The following YTHDF3 variants were observed in gnomAD, a reference collection of about 807,000 sequenced individuals.
YTHDF3 encodes YTH domain-containing family protein 3.
Under a neutral mutation model 52.5 loss-of-function variants are expected in YTHDF3, and 9 were observed. The ratio of observed to expected loss-of-function variants is 0.17; its 90% CI spans 0.10 to 0.30. The LOEUF (loss-of-function observed/expected upper bound fraction) is 0.30. Ranked by LOEUF, YTHDF3 falls within the 10% of genes least tolerant of loss-of-function variation. The probability of loss-of-function intolerance (pLI) is 1.00; values close to 1 mark genes in which losing one functional copy is unlikely to be tolerated. For missense variants in YTHDF3, 534 were observed against 715.0 expected (o/e 0.75, Z 2.89); for synonymous variants, 274 against 243.3 (o/e 1.13, Z -1.18).
At chr8:63,192,394 A>C (rs1200216193) in intron 4 of YTHDF3, among the ~76,000 whole-genome samples, 2 of 152,116 alleles carry the variant, frequency 1.3e-5, no homozygotes, top group Non-Finnish European at 1.5e-5. Flanking sequence ...GAGATGGGAG[A>C]GTCATGCTGT....
chr8:63,170,442 A>T (rs377595936), intron 2 of YTHDF3, among the ~76,000 whole-genome samples: 3 of 152,202 alleles, frequency 2.0e-5, no homozygotes, highest in African/African-American at 7.2e-5. Context: ...TACCAGTTAC[A>T]TGGCACCATA....
At chr8:63,197,593 C>T (rs1009207197) in intron 4 of YTHDF3, among the ~76,000 whole-genome samples, 6 of 151,938 alleles carry the variant, frequency 3.9e-5, no homozygotes, top group South Asian at 2.1e-4. Flanking sequence ...TTAAAAATAG[C>T]GTGGCTTGTA....
intron 2 of YTHDF3, among the ~76,000 whole-genome samples, chr8:63,173,196 T>TTTTATATATA (rs1807442289): frequency 2.4e-5 from 2 of 83,700 alleles, no homozygotes; most frequent in Admixed American, 1.3e-4. Context: ...AATAACAGGA[T>TTTTATATATA]TATATTTATA....
chr8:63,197,590 T>G (rs1809321879), intron 4 of YTHDF3, among the ~76,000 whole-genome samples: 2 of 152,170 alleles, frequency 1.3e-5, no homozygotes, highest in African/African-American at 4.8e-5. Flanking sequence ...TAATTAAAAA[T>G]AGCGTGGCTT....
chr8:63,174,488 T>G (rs527913300), intron 2 of YTHDF3, among the ~76,000 whole-genome samples: 1 of 152,216 alleles, frequency 6.6e-6, no homozygotes, highest in East Asian at 1.9e-4. Context: ...GGTTAGAGAG[T>G]TTAAATCCCT....
chr8:63,182,020 C>T (rs1018998865), intron 3 of YTHDF3, among the ~76,000 whole-genome samples: 32 of 151,784 alleles, frequency 2.1e-4, no homozygotes, highest in Non-Finnish European at 3.2e-4. Flanking sequence ...GTTGTTAAAT[C>T]GGAAGTCATG....
At chr8:63,185,392 C>T (rs1053696335) in intron 3 of YTHDF3, among the ~76,000 whole-genome samples, 3 of 151,278 alleles carry the variant, frequency 2.0e-5, no homozygotes, top group African/African-American at 7.3e-5. Context: ...CATGAACTCA[C>T]TATTACTAAA....
At position 63,204,605 on chromosome 8, in the gene YTHDF3, T is replaced by A. The variant is rs150486377; in HGVS notation, c.1735-5078T>A. 1.8e-3 allele frequency among the ~76,000 whole-genome samples: 268 copies of A among 152,254 alleles called. 2 individuals carry two copies. The highest frequency in any genetic ancestry group is 6.2e-3 in the African/African-American group (256 of 41,582). Reference sequence around the variant, plus strand: ...TCGAACTCCTCACCTCAGGTGATCCTCCCACCTTGGCCTCCCAAAGTGTTG... The same window carrying A: ...TCGAACTCCTCACCTCAGGTGATCCACCCACCTTGGCCTCCCAAAGTGTTG... On this transcript the variant is annotated intron_variant, in intron 4 of 4. Coordinates refer to ENST00000539294, the MANE Select transcript of YTHDF3 (RefSeq NM_152758.6).
At chr8:63,199,289 A>G (rs1809444636) in intron 4 of YTHDF3, among the ~76,000 whole-genome samples, 1 of 152,128 alleles carries the variant, frequency 6.6e-6, no homozygotes, top group Non-Finnish European at 1.5e-5. Flanking sequence ...TTCTTGGTAT[A>G]TACAGGGGAT....
At chr8:63,178,766 T>C (rs1807869531) in intron 3 of YTHDF3, among the ~76,000 whole-genome samples, 1 of 152,206 alleles carries the variant, frequency 6.6e-6, no homozygotes, top group African/African-American at 2.4e-5. Context: ...ATCTTAAAGG[T>C]AAGTCGTATG....
Position 63,186,514 on chromosome 8 carries a change from A to G in YTHDF3, c.503A>G (p.Asp168Gly). The G allele has an allele frequency of 1.2e-6, 2 of 1,613,976 alleles. No individual in the cohort carries two copies. The highest frequency in any genetic ancestry group is 1.7e-6 in the Non-Finnish European group (2 of 1,179,890). Residue 168 changes from aspartate (D) to glycine (G), a missense_variant, in exon 4 of 5, where the codon GAT (aspartate) becomes GGT (glycine). Asp to Gly is a moderately conservative substitution (Grantham distance 94). This residue lies in a region of YTHDF3 where 196 missense variants were observed against 299.5 expected (regional missense o/e 0.65). Transcript: ENST00000539294. ...PPSSLGRAITDGQAGFGNDTL... is the reference protein window; with the variant it reads ...PPSSLGRAITGGQAGFGNDTL... The stretch of plus-strand genomic sequence containing the variant: ...AGTTCTCTTGGGAGAGCTATTACTG[A>G]TGGACAGGCTGGATTTGGCAATGAT...
chr8:63,181,516 T>A (rs1322386386), intron 3 of YTHDF3, among the ~76,000 whole-genome samples: 2 of 152,224 alleles, frequency 1.3e-5, no homozygotes, highest in African/African-American at 2.4e-5. Flanking sequence ...TTTCTTAATA[T>A]TTCTTTCACG....
At position 63,168,838 on chromosome 8, in the gene YTHDF3, G is replaced by A; in HGVS notation, c.-40G>A. The A allele has an allele frequency of 1.9e-6, 3 of 1,553,222 alleles. No individual in the cohort carries two copies. Among genetic ancestry groups the A allele is most frequent in the Non-Finnish European group, 2.6e-6 (3 of 1,148,512 alleles). Reference sequence around the variant, plus strand: ...CTGTGAGTGCACGGGGAGAGGCCCAGGCAGCGGCGGCGGCGGCGGCTCTCG... The same window carrying A: ...CTGTGAGTGCACGGGGAGAGGCCCAAGCAGCGGCGGCGGCGGCGGCTCTCG... On this transcript the variant is annotated 5_prime_UTR_variant, in exon 1 of 5. Coordinates refer to ENST00000539294, the MANE Select transcript of YTHDF3 (RefSeq NM_152758.6).
rs942581143 is a variant in YTHDF3 at position 63,168,745 on chromosome 8, G to C, written c.-133G>C. The C allele has an allele frequency of 1.3e-6, 2 of 1,534,314 alleles. No individual in the cohort carries two copies. Among genetic ancestry groups the C allele is most frequent in the Non-Finnish European group, 1.8e-6 (2 of 1,136,386 alleles). On this transcript the variant is annotated 5_prime_UTR_variant, in exon 1 of 5. Transcript: ENST00000539294. ...TCCCGAGCGCGAGGCCCTCATTTTGGGTTCTCAGCGAACGGCGGCAGCGGC... is the reference window on the plus strand; with the variant it reads ...TCCCGAGCGCGAGGCCCTCATTTTGCGTTCTCAGCGAACGGCGGCAGCGGC...
intron 1 of YTHDF3, 113 bp downstream of exon 1, chr8:63,169,014 C>A: frequency 6.8e-7 from 1 of 1,475,220 alleles, no homozygotes; most frequent in Non-Finnish European, 8.9e-7. Context: ...TAACGGTGCC[C>A]CGGGCGCAAG....
intron 2 of YTHDF3, among the ~76,000 whole-genome samples, chr8:63,174,023 T>A (rs901914970): frequency 2.0e-5 from 3 of 152,140 alleles, no homozygotes; most frequent in Non-Finnish European, 4.4e-5. Context: ...TTTGTATATC[T>A]TTGCTCCCAA....
chr8:63,210,414 A>G lies in YTHDF3; in HGVS notation c.*708A>G, dbSNP rs1810310282. The G allele has an allele frequency of 6.6e-6, 1 of 152,594 alleles. No individual in the cohort carries two copies. The highest frequency in any genetic ancestry group is 2.1e-4 in the South Asian group (1 of 4,832). The allele number at this position is 152,594 out of a possible 1,614,324, so 9.5% of individuals were successfully genotyped here. ...CCCCCATTAATATGTATACTGAAAA[A>G]TGTGCATTTGTCTGAGGAATTATTT... On this transcript the variant is annotated 3_prime_UTR_variant, in exon 5 of 5. Transcript: ENST00000539294.
intron 3 of YTHDF3, among the ~76,000 whole-genome samples, chr8:63,183,794 G>A (rs1380561015): frequency 1.3e-5 from 2 of 152,218 alleles, no homozygotes; most frequent in East Asian, 3.8e-4. Flanking sequence ...GATTCAGTCA[G>A]TTGTGGATCA....
intron 3 of YTHDF3, among the ~76,000 whole-genome samples, chr8:63,185,634 T>C (rs1289906609): frequency 6.6e-6 from 1 of 152,226 alleles, no homozygotes; most frequent in Non-Finnish European, 1.5e-5. Context: ...TCTCCATTTT[T>C]TCCTTAATGA....
Sources: allele counts gnomAD v4.1 joint callset (sites outside exome capture counted in the v4.1 genomes callset), GRCh38; gene constraint gnomAD v4.1.1; regional missense constraint gnomAD v4.1.1; transcripts MANE v1.5; gene names NCBI Gene and HGNC (gene_info 2026-07-23, HGNC 2026-07-21).